MYO1D: variants seen among roughly 807,000 people sequenced by gnomAD.
MYO1D encodes myosin ID, also known as unconventional myosin-Id.
A neutral mutation model predicts 122.0 loss-of-function variants in MYO1D; 83 were observed. The ratio of observed to expected loss-of-function variants is 0.68; its 90% CI spans 0.57 to 0.82. The LOEUF (loss-of-function observed/expected upper bound fraction) is 0.82. Ranked by LOEUF, MYO1D falls within the 40% of genes least tolerant of loss-of-function variation. The probability of loss-of-function intolerance (pLI) is 0.00; values close to 1 mark genes in which losing one functional copy is unlikely to be tolerated. For synonymous variants in MYO1D, 464 were observed against 446.9 expected, an observed-to-expected ratio of 1.04 and a Z score of -0.48; for missense variants, 1,157 against 1,269.5, an observed-to-expected ratio of 0.91 and a Z score of 1.35.
intron 20 of MYO1D, among the ~76,000 whole-genome samples, chr17:32,615,728 G>C (rs1284816792): frequency 1.3e-5 from 2 of 152,200 alleles, no homozygotes; most frequent in African/African-American, 4.8e-5. Context: ...GTATCTTCCA[G>C]ACAGACTAAA....
intron 1 of MYO1D, among the ~76,000 whole-genome samples, chr17:32,860,801 T>C (rs1452828606): frequency 6.6e-6 from 1 of 152,194 alleles, no homozygotes; most frequent in Non-Finnish European, 1.5e-5. Context: ...CATGCATCTA[T>C]ACAACAGTGA....
intron 4 of MYO1D, 42 bp downstream of exon 4, chr17:32,775,822 C>G: frequency 6.8e-7 from 1 of 1,473,952 alleles, no homozygotes; most frequent in Non-Finnish European, 9.3e-7. Context: ...TTTAAACATT[C>G]AGCACTTAAA....
At chr17:32,519,592 C>T (rs1910038783) in intron 21 of MYO1D, among the ~76,000 whole-genome samples, 8 of 151,910 alleles carry the variant, frequency 5.3e-5, no homozygotes, top group Admixed American at 5.2e-4. Flanking sequence ...AGCGCACACG[C>T]CCTCCTTGCA....
At chr17:32,826,048 TAAAA>T (rs5819999) in intron 1 of MYO1D, among the ~76,000 whole-genome samples, 4 of 119,514 alleles carry the variant, frequency 3.3e-5, no homozygotes, top group Admixed American at 1.8e-4. Context: ...AACTCCATCT[TAAAA>T]AAAAAAAAAA....
At chr17:32,672,693 C>T (rs2088739155) in intron 16 of MYO1D, among the ~76,000 whole-genome samples, 1 of 152,100 alleles carries the variant, frequency 6.6e-6, no homozygotes, top group Non-Finnish European at 1.5e-5. Flanking sequence ...GCCACGTTGG[C>T]CAGGCAGGTC....
At chr17:32,658,273 T>C (rs1280733907) in intron 17 of MYO1D, among the ~76,000 whole-genome samples, 1 of 152,230 alleles carries the variant, frequency 6.6e-6, no homozygotes, top group African/African-American at 2.4e-5. Flanking sequence ...AGCACAGAAT[T>C]ATACATTAGT....
chr17:32,531,653 C>G (rs1381159889), intron 21 of MYO1D, among the ~76,000 whole-genome samples: 1 of 152,202 alleles, frequency 6.6e-6, no homozygotes, highest in Non-Finnish European at 1.5e-5. Context: ...ATTTTCTAAA[C>G]CTGGCTCAAG....
At chr17:32,777,150 G>A (rs2090180766) in intron 3 of MYO1D, among the ~76,000 whole-genome samples, 1 of 151,990 alleles carries the variant, frequency 6.6e-6, no homozygotes, top group Admixed American at 6.6e-5. Flanking sequence ...AGCTCCTAAG[G>A]AAATTAAGAA....
At chr17:32,643,242 T>C (rs2088231154) in intron 19 of MYO1D, among the ~76,000 whole-genome samples, 1 of 152,262 alleles carries the variant, frequency 6.6e-6, no homozygotes, top group African/African-American at 2.4e-5. Context: ...TTTGCATATG[T>C]TGAACCAGTC....
At chr17:32,621,649 C>T (rs545493839) in intron 20 of MYO1D, among the ~76,000 whole-genome samples, 45 of 152,334 alleles carry the variant, frequency 3.0e-4, no homozygotes, top group African/African-American at 9.6e-4. Context: ...TTTCTCTCCT[C>T]ATGCCCCTCC....
At chr17:32,500,606 G>C (rs981055323) in intron 21 of MYO1D, among the ~76,000 whole-genome samples, 1 of 152,134 alleles carries the variant, frequency 6.6e-6, no homozygotes, top group East Asian at 1.9e-4. Flanking sequence ...GCTCACCACC[G>C]AACAACAAGG....
At chr17:32,611,366 C>G (rs996062885) in intron 20 of MYO1D, among the ~76,000 whole-genome samples, 4 of 152,158 alleles carry the variant, frequency 2.6e-5, no homozygotes, top group African/African-American at 9.7e-5. Context: ...AAGAAAACAT[C>G]CCAGTCTTTA....
chr17:32,874,818 G>C (rs562317935), intron 1 of MYO1D, among the ~76,000 whole-genome samples: 53 of 152,024 alleles, frequency 3.5e-4, no homozygotes, highest in African/African-American at 1.3e-3. Flanking sequence ...TGTACACATA[G>C]GAGTTGTTAG....
At chr17:32,779,188 C>A (rs1309336932) in intron 2 of MYO1D, among the ~76,000 whole-genome samples, 2 of 152,084 alleles carry the variant, frequency 1.3e-5, no homozygotes, top group Non-Finnish European at 2.9e-5. Context: ...AAAAATTCCA[C>A]TGGTAGAAAT....
At chr17:32,816,087 T>A (rs1188230633) in intron 1 of MYO1D, among the ~76,000 whole-genome samples, 2 of 152,192 alleles carry the variant, frequency 1.3e-5, no homozygotes, top group Non-Finnish European at 2.9e-5. Flanking sequence ...CATTCATCTA[T>A]CAGTCAATAA....
intron 21 of MYO1D, among the ~76,000 whole-genome samples, chr17:32,580,021 A>G (rs1020312404): frequency 6.6e-6 from 1 of 152,176 alleles, no homozygotes; most frequent in Admixed American, 6.5e-5. Context: ...AGTGGCTGGA[A>G]TATGTGGCAG....
chr17:32,746,790 T>G (rs965592964), intron 12 of MYO1D, among the ~76,000 whole-genome samples: 1 of 152,174 alleles, frequency 6.6e-6, no homozygotes, highest in Admixed American at 6.5e-5. Flanking sequence ...AAAGGGTTAG[T>G]TGAAGTTCTA....
Position 32,741,206 on chromosome 17 carries a change from C to T in MYO1D, c.1614-2821G>A, listed in dbSNP as rs181861588. On this transcript the variant is annotated intron_variant, in intron 13 of 21. Transcript: ENST00000318217. Reference sequence around the variant, plus strand: ...TCACATCACTGTGCTCCAGGCTGGGCGACTGGGATACCACTTCTAAAAAAA... The same window carrying T: ...TCACATCACTGTGCTCCAGGCTGGGTGACTGGGATACCACTTCTAAAAAAA... Among the ~76,000 whole-genome samples the T allele has an allele frequency of 2.9e-3, 411 of 141,986 alleles. 4 individuals are homozygous for T. Among genetic ancestry groups the T allele is most frequent in the African/African-American group, 9.4e-3 (353 of 37,394 alleles). The allele number at this position is 141,986 out of a possible 152,430, so 93.1% of individuals were successfully genotyped here.
At position 32,838,006 on chromosome 17, in the gene MYO1D, C is replaced by T. The variant is rs969147029; in HGVS notation, c.95+38772G>A. On this transcript the variant is annotated intron_variant, in intron 1 of 21. Coordinates refer to ENST00000318217, the MANE Select transcript of MYO1D (RefSeq NM_015194.3). ...AACATTTTTATTTTTATATTTACTG[C>T]AATCATTTCCCAAGATGTAATGTTC... 3.3e-5 allele frequency among the ~76,000 whole-genome samples: 5 copies of T among 152,098 alleles called. No individual in the cohort carries two copies. The East Asian group carries it at 9.7e-4, about 29-fold the overall frequency.
Sources: gnomAD v4.1 joint callset for allele counts (sites outside exome capture counted in the v4.1 genomes callset) on GRCh38, gnomAD v4.1.1 for gene constraint, MANE v1.5 for transcripts, NCBI Gene and HGNC (gene_info 2026-07-23, HGNC 2026-07-21) for gene names.